The following CCDC141 variants were observed in gnomAD, a reference collection of about 807,000 sequenced individuals.
CCDC141 encodes the protein coiled-coil domain-containing protein 141.
CCDC141 carries 168 observed loss-of-function variants against 181.0 expected under a neutral mutation model. The observed-to-expected ratio is 0.93, with a 90% confidence interval of 0.82 to 1.05. The LOEUF (loss-of-function observed/expected upper bound fraction) is 1.05, where lower values mean the gene tolerates loss of function less well. Ranked by LOEUF, CCDC141 falls within the 50% of genes least tolerant of loss-of-function variation. The pLI is 0.00. For missense variants in CCDC141, 1,902 were observed against 1,788.5 expected (o/e 1.06, Z -1.14); for synonymous variants, 666 against 642.3 (o/e 1.04, Z -0.56).
At chr2:178,869,391 A>AAGAGTGAT in intron 14 of CCDC141, 86 bp from the exon 15 acceptor site, 1 of 922,600 alleles carries the variant, frequency 1.1e-6, no homozygotes, top group Non-Finnish European at 1.6e-6. Flanking sequence ...TAAACAATGA[A>AAGAGTGAT]TCACTCTTTC....
downstream of CCDC141, among the ~76,000 whole-genome samples, chr2:178,824,837 T>C (rs1466516754): frequency 6.6e-6 from 1 of 152,064 alleles, no homozygotes; most frequent in South Asian, 2.1e-4. Context: ...AGGTACTTTG[T>C]ATATCCATTT....
At chr2:178,815,249 C>G in the CCDC141 span, among the ~76,000 whole-genome samples, 59 of 152,256 alleles carry the variant, frequency 3.9e-4, no homozygotes, top group Admixed American at 3.7e-3. Flanking sequence ...ACAATTTGAG[C>G]TTTTGGTGAC....
At chr2:178,935,548 A>G (rs1289888756) in intron 6 of CCDC141, among the ~76,000 whole-genome samples, 3 of 152,020 alleles carry the variant, frequency 2.0e-5, no homozygotes, top group African/African-American at 7.3e-5. Context: ...GGATCATTTT[A>G]TGTCTTCCCT....
chr2:178,905,516 A>G lies in CCDC141; in HGVS notation c.1093-15T>C. 3 of 1,537,198 alleles carry G rather than the reference A, an allele frequency of 2.0e-6. No individual in the cohort carries two copies. In the South Asian group the frequency reaches 3.7e-5, roughly 19 times the overall value. ...ACATCAAATGCCTGCCAAAGAAAAC[A>G]TACTTTTATTTTCTGCTTCTCTAGT... On this transcript the variant is annotated splice_polypyrimidine_tract_variant and intron_variant, in intron 7 of 23. Transcript: ENST00000443758.
In CCDC141 at chr2:178,871,491, C is replaced by T. The variant is rs766972842; in HGVS notation, c.2141G>A (p.Gly714Glu). The T allele has an allele frequency of 2.5e-6, 4 of 1,614,022 alleles. No homozygotes were observed. Among genetic ancestry groups the T allele is most frequent in the Non-Finnish European group, 3.4e-6 (4 of 1,179,926 alleles). Residue 714 changes from glycine to glutamate, a missense_variant, in exon 14 of 24, where the codon GGA becomes GAA. Coordinates refer to ENST00000443758, the MANE Select transcript of CCDC141 (RefSeq NM_173648.4). ...ALMPVSALDL[G>E]GSLQFILDLR... ...ATCTAAAATGAACTGGAGGCTCCCT[C>T]CGAGGTCAAGTGCAGACACAGGCAT... is the stretch of plus-strand genomic sequence containing the variant.
chr2:178,977,695 A>G (rs1691181927), intron 3 of CCDC141, among the ~76,000 whole-genome samples: 1 of 152,174 alleles, frequency 6.6e-6, no homozygotes, highest in Admixed American at 6.5e-5. Context: ...CTAGTTTAAA[A>G]TGTCATATTT....
intron 7 of CCDC141, 113 bp from the exon 8 acceptor site, chr2:178,905,614 T>C (rs1043765241): frequency 3.0e-6 from 3 of 994,762 alleles, no homozygotes; most frequent in South Asian, 2.0e-5. Context: ...AGTTTCATTA[T>C]AACAAAAAAC....
At chr2:178,905,213 T>C (rs1379993552) in intron 8 of CCDC141, 116 bp downstream of exon 8, 2 of 950,430 alleles carry the variant, frequency 2.1e-6, no homozygotes, top group East Asian at 2.6e-5. Flanking sequence ...TTAAGCCATA[T>C]CATAATGCAG....
At chr2:179,019,055 C>T (rs2042624295) in intron 2 of CCDC141, among the ~76,000 whole-genome samples, 1 of 152,148 alleles carries the variant, frequency 6.6e-6, no homozygotes, top group African/African-American at 2.4e-5. Flanking sequence ...GCTCCAAGTT[C>T]AGAGCATTGC....
intron 2 of CCDC141, among the ~76,000 whole-genome samples, chr2:179,035,597 G>C (rs1321101455): frequency 6.6e-6 from 1 of 152,150 alleles, no homozygotes; most frequent in Admixed American, 6.5e-5. Context: ...CTTCCAAGGT[G>C]GCTCATTCAC....
At position 178,869,133 on chromosome 2, in the gene CCDC141, T is replaced by C. The variant is rs1241365763; in HGVS notation, c.2378A>G (p.His793Arg). Residue 793 changes from histidine to arginine, a missense_variant, in exon 15 of 24, where the codon CAT (histidine) becomes CGT (arginine). Transcript: ENST00000443758. ...AAGCCTTACCTCTTCCTTGACTTGATGGAACTGGACCACCTTGTACAGGAT... is the reference window on the plus strand; with the variant it reads ...AAGCCTTACCTCTTCCTTGACTTGACGGAACTGGACCACCTTGTACAGGAT... ...EDILYKVVQF[H>R]QVKEELGRLI... 1.3e-6 allele frequency: 2 copies of C among 1,585,408 alleles called. No homozygotes were observed. Among genetic ancestry groups the C allele is most frequent in the Non-Finnish European group, 1.7e-6 (2 of 1,170,054 alleles).
chr2:178,954,051 G>GTATATCT (rs1397079541), intron 5 of CCDC141, among the ~76,000 whole-genome samples: 1 of 152,168 alleles, frequency 6.6e-6, no homozygotes, highest in Non-Finnish European at 1.5e-5. Flanking sequence ...CCCTAAAGGT[G>GTATATCT]TATATCTTAT....
chr2:178,841,037 AG>A (rs1684695586), intron 22 of CCDC141, among the ~76,000 whole-genome samples: 1 of 152,170 alleles, frequency 6.6e-6, no homozygotes, highest in Non-Finnish European at 1.5e-5. Context: ...GTTTTTATTA[AG>A]GTGATTGTAT....
At chr2:179,032,787 G>A (rs538058492) in intron 2 of CCDC141, among the ~76,000 whole-genome samples, 1 of 147,524 alleles carries the variant, frequency 6.8e-6, no homozygotes, top group Non-Finnish European at 1.5e-5. Context: ...TTCTAATTTC[G>A]CTCAAGGACC....
At chr2:179,021,395 A>G (rs1184395752) in intron 2 of CCDC141, among the ~76,000 whole-genome samples, 2 of 152,190 alleles carry the variant, frequency 1.3e-5, no homozygotes, top group African/African-American at 4.8e-5. Context: ...ACTGGCACAC[A>G]AATAACAGAA....
chr2:178,924,812 T>C (rs1312702966), intron 6 of CCDC141, among the ~76,000 whole-genome samples: 1 of 152,192 alleles, frequency 6.6e-6, no homozygotes, highest in African/African-American at 2.4e-5. Context: ...GAAAGAAGTG[T>C]GCTGTTTCAC....
intron 11 of CCDC141, among the ~76,000 whole-genome samples, chr2:178,882,960 G>A (rs1479873556): frequency 3.9e-5 from 6 of 152,088 alleles, no homozygotes; most frequent in South Asian, 2.1e-4. Flanking sequence ...TGTACGGGGA[G>A]CATTGCCAGG....
intron 2 of CCDC141, among the ~76,000 whole-genome samples, chr2:179,021,122 T>C (rs1017841880): frequency 4.6e-5 from 7 of 152,204 alleles, no homozygotes; most frequent in East Asian, 1.9e-4. Flanking sequence ...CTTTGGAAAT[T>C]ACATACTTCC....
intron 6 of CCDC141, among the ~76,000 whole-genome samples, chr2:178,936,795 T>C (rs187093677): frequency 6.6e-6 from 1 of 152,250 alleles, no homozygotes; most frequent in African/African-American, 2.4e-5. Context: ...TAATTCTCAT[T>C]GTAGAGATCT....
Sources: allele counts gnomAD v4.1 joint callset (sites outside exome capture counted in the v4.1 genomes callset), GRCh38; gene constraint gnomAD v4.1.1; transcripts MANE v1.5; gene names NCBI Gene and HGNC (gene_info 2026-07-23, HGNC 2026-07-21).